The following COL5A1 variants were observed in gnomAD, a reference collection of about 807,000 sequenced individuals.
The protein encoded by COL5A1 is collagen alpha-1(V) chain.
Under a neutral mutation model 263.7 loss-of-function variants are expected in COL5A1, and 16 were observed. The observed-to-expected ratio is 0.06, with a 90% CI of 0.04 to 0.09. The LOEUF is 0.09. COL5A1 is among the 10% of genes least tolerant of loss of function. COL5A1 has a pLI of 1.00. For synonymous variants in COL5A1, 1,012 were observed against 1,004.5 expected (o/e 1.01, Z -0.14); for missense variants, 2,036 against 2,540.5 (o/e 0.80, Z 4.27).
rs919131997 is a variant in COL5A1, at chr9:134,794,598, C to T, written c.2701-484C>T. On this transcript the variant is annotated intron_variant, in intron 32 of 65. Transcript: ENST00000371817. This position sits in a 1 kb window ranked among gnomAD's most constrained non-coding sequence, Gnocchi z 4.3. ...TTATATATTAAATTCCAAGTTTGCG[C>T]GTCTGCAGAGCCTGTTGAAAATTTA... Among the ~76,000 whole-genome samples, 7 of 152,176 alleles carry T rather than the reference C, an allele frequency of 4.6e-5. No homozygotes were observed. Among genetic ancestry groups the T allele is most frequent in the African/African-American group, 9.7e-5 (4 of 41,444 alleles).
chr9:134,675,240 T>C (rs1162031707), intron 1 of COL5A1, among the ~76,000 whole-genome samples: 1 of 152,190 alleles, frequency 6.6e-6, no homozygotes, highest in East Asian at 1.9e-4. Context: ...ATAAAGAGAA[T>C]GAATGTCCCT....
At chr9:134,826,048 C>T in intron 63 of COL5A1, 144 bp downstream of exon 63, 1 of 579,040 alleles carries the variant, frequency 1.7e-6, no homozygotes, top group Admixed American at 3.0e-5. Flanking sequence ...ACTGTTCTTT[C>T]AGAAGTAGAC....
chr9:134,703,355 G>A (rs1478898639), intron 4 of COL5A1, among the ~76,000 whole-genome samples: 3 of 152,240 alleles, frequency 2.0e-5, no homozygotes, highest in Middle Eastern at 3.2e-3. Context: ...GCTATTCTGG[G>A]GAGCTGGGGT....
intron 1 of COL5A1, among the ~76,000 whole-genome samples, chr9:134,670,605 G>A (rs1360927903): frequency 6.6e-6 from 1 of 152,184 alleles, no homozygotes; most frequent in African/African-American, 2.4e-5. Flanking sequence ...CCGGGTCGTT[G>A]TCTGGAGGAT....
intron 18 of COL5A1, among the ~76,000 whole-genome samples, chr9:134,759,982 TGCACACCC>T (rs1836247529): frequency 2.0e-5 from 1 of 50,048 alleles, no homozygotes; most frequent in African/African-American, 9.4e-5. Flanking sequence ...TGCACACACA[TGCACACCC>T]ACACACCCCA....
At chr9:134,715,003 A>G (rs2132607936) in intron 4 of COL5A1, among the ~76,000 whole-genome samples, 1 of 152,118 alleles carries the variant, frequency 6.6e-6, no homozygotes, top group East Asian at 1.9e-4. Context: ...GAGAAAAGAA[A>G]GAGACACAGA....
chr9:134,762,023 C>G (rs781373258), intron 19 of COL5A1, 45 bp downstream of exon 19: 27 of 1,597,670 alleles, frequency 1.7e-5, no homozygotes, highest in Non-Finnish European at 2.1e-5. Flanking sequence ...CTGCCCTACT[C>G]CTCAGTGATT....
chr9:134,709,098 C>T, intron 4 of COL5A1: 1 of 380,026 alleles, frequency 2.6e-6, no homozygotes, highest in Non-Finnish European at 5.3e-6. Flanking sequence ...TGGACAAGGT[C>T]ACCTGTGGAT....
rs1449793679 is a variant in COL5A1, at chr9:134,680,984, G to C, written c.110-9928G>C. On this transcript the variant is annotated intron_variant, in intron 1 of 65. Coordinates refer to ENST00000371817, the MANE Select transcript of COL5A1 (RefSeq NM_000093.5). This position sits in a 1 kb window ranked among gnomAD's most constrained non-coding sequence, Gnocchi z 5.9. ...GCCGGGCCATCTGCCATCCTCCCAG[G>C]ATGGTGTCCTCGGCCTGTGCTGCAG... Among the ~76,000 whole-genome samples the C allele has an allele frequency of 6.6e-6, 1 of 152,200 alleles. No individual in the cohort carries two copies. The highest frequency in any genetic ancestry group is 6.5e-5 in the Admixed American group (1 of 15,288).
At chr9:134,699,771 T>C in intron 2 of COL5A1, 138 bp from the exon 3 acceptor site, 1 of 813,328 alleles carries the variant, frequency 1.2e-6, no homozygotes, top group Non-Finnish European at 2.1e-6. Flanking sequence ...AAGGGGCAGA[T>C]GTGCAGCAGA....
chr9:134,782,846 T>C (rs1837313504), intron 29 of COL5A1, 126 bp downstream of exon 29: 1 of 954,474 alleles, frequency 1.0e-6, no homozygotes, highest in Non-Finnish European at 1.7e-6. Context: ...TTGGTAGAGA[T>C]TCCTGGTGGG....
At chr9:134,744,451 G>A (rs35588599) in intron 11 of COL5A1, among the ~76,000 whole-genome samples, 26,684 of 149,812 alleles carry the variant, frequency 0.18, 2,733 homozygotes, top group Non-Finnish European at 0.24. Flanking sequence ...ATGTGTACAC[G>A]CACACACTCA....
At chr9:134,760,074 GCA>G (rs138252977) in intron 18 of COL5A1, among the ~76,000 whole-genome samples, 1 of 53,268 alleles carries the variant, frequency 1.9e-5, no homozygotes, top group Non-Finnish European at 3.3e-5. Context: ...ACTCATACAT[GCA>G]CACACGCATA....
chr9:134,731,425 C>T (rs1834875351), intron 7 of COL5A1, 71 bp from the exon 8 acceptor site: 3 of 1,526,174 alleles, frequency 2.0e-6, no homozygotes, highest in Non-Finnish European at 2.7e-6. Flanking sequence ...CAGTGCCCGC[C>T]CAGGGCCTGA....
chr9:134,717,849 T>C (rs1487484143), intron 4 of COL5A1, among the ~76,000 whole-genome samples: 1 of 151,732 alleles, frequency 6.6e-6, no homozygotes, highest in Non-Finnish European at 1.5e-5. Context: ...CCTGTTTCGG[T>C]TGGACGAGGA....
chr9:134,728,144 C>T (rs1564414888), intron 5 of COL5A1, among the ~76,000 whole-genome samples: 1 of 152,256 alleles, frequency 6.6e-6, no homozygotes, highest in Non-Finnish European at 1.5e-5. Context: ...CCACATCTTA[C>T]AAACCCCAGG....
intron 65 of COL5A1, among the ~76,000 whole-genome samples, chr9:134,838,997 G>C (rs7850184): frequency 0.66 from 100,230 of 152,158 alleles, 33,400 homozygotes; most frequent in African/African-American, 0.73. Context: ...AGTCACAACC[G>C]TCTCATTTAA....
chr9:134,721,891 T>C (rs1380780285), intron 4 of COL5A1, among the ~76,000 whole-genome samples: 1 of 152,178 alleles, frequency 6.6e-6, no homozygotes, highest in Non-Finnish European at 1.5e-5. Flanking sequence ...CAGGGTCCCC[T>C]CCCTCACCTG....
Position 134,751,074 on chromosome 9 carries a change from A to G in COL5A1, c.1662+192A>G, listed in dbSNP as rs147716718. Among the ~76,000 whole-genome samples, 328 of 149,452 alleles carry G rather than the reference A, an allele frequency of 2.2e-3. 15 individuals are homozygous for G. In the East Asian group the frequency reaches 0.063, roughly 29 times the overall value. ...AGTGTCCAGTAGGGACCCCGAGAGC[A>G]TGTCAGTGTCCAGTAGGGGCTCTGA... On this transcript the variant is annotated intron_variant, in intron 13 of 65. Transcript: ENST00000371817.
Sources: allele counts gnomAD v4.1 joint callset (sites outside exome capture counted in the v4.1 genomes callset), GRCh38; gene constraint gnomAD v4.1.1; non-coding constraint Gnocchi (gnomAD v3.1); transcripts MANE v1.5; gene names NCBI Gene and HGNC (gene_info 2026-07-23, HGNC 2026-07-21).